The following ESR1 variants were observed in gnomAD, a reference collection of about 807,000 sequenced individuals.
ESR1 encodes the protein estrogen receptor.
Under a neutral mutation model 52.7 loss-of-function variants are expected in ESR1, and 12 were observed. The ratio of observed to expected loss-of-function variants is 0.23; its 90% CI spans 0.15 to 0.37. The LOEUF (loss-of-function observed/expected upper bound fraction) is 0.37. ESR1 is among the 10% of genes least tolerant of loss of function. ESR1 has a pLI of 1.00. For missense variants in ESR1, 584 were observed against 779.7 expected (o/e 0.75, Z 2.99); for synonymous variants, 305 against 316.8 (o/e 0.96, Z 0.39).
chr6:152,097,888 A>C (rs543309658), intron 7 of ESR1, among the ~76,000 whole-genome samples: 1 of 152,324 alleles, frequency 6.6e-6, no homozygotes, highest in South Asian at 2.1e-4. Flanking sequence ...CGGGAGAATA[A>C]ACACAAATAA....
In ESR1 at chr6:151,694,479, A is replaced by G. The variant is rs180730122; in HGVS notation, c.-202+3815A>G. Among the ~76,000 whole-genome samples, 206 of 152,306 alleles carry G rather than the reference A, an allele frequency of 1.4e-3. 1 individual carries two copies. Among genetic ancestry groups the G allele is most frequent in the African/African-American group, 4.8e-3 (200 of 41,564 alleles). On this transcript the variant is annotated intron_variant, in intron 1 of 2. Coordinates refer to the ESR1 transcript ENST00000404742. ...ATGCATGTAAAAGAGTTTTGTACAAAGTTCACTTTTATAAAATGCAAGTTG... is the reference window on the plus strand; with the variant it reads ...ATGCATGTAAAAGAGTTTTGTACAAGGTTCACTTTTATAAAATGCAAGTTG...
At chr6:151,879,321 T>G (rs1027113841) in intron 2 of ESR1, among the ~76,000 whole-genome samples, 20 of 152,122 alleles carry the variant, frequency 1.3e-4, no homozygotes, top group African/African-American at 4.8e-4. Context: ...ACGCGATTCA[T>G]TGGTAATCCT....
intron 4 of ESR1, 96 bp downstream of exon 4, chr6:151,944,604 C>T (rs1406784805): frequency 2.7e-6 from 3 of 1,103,678 alleles, no homozygotes; most frequent in African/African-American, 1.5e-5. Flanking sequence ...GAAGCAATAA[C>T]ATGTTATGTA....
At chr6:151,774,820 A>C (rs1013437322) in intron 2 of ESR1, among the ~76,000 whole-genome samples, 5 of 152,252 alleles carry the variant, frequency 3.3e-5, no homozygotes, top group Non-Finnish European at 5.9e-5. Context: ...CCATTAAATA[A>C]ATAACTGTAC....
chr6:152,042,418 G>A (rs2045884407), intron 5 of ESR1, among the ~76,000 whole-genome samples: 1 of 152,178 alleles, frequency 6.6e-6, no homozygotes, highest in Non-Finnish European at 1.5e-5. Context: ...TGGAATCAAC[G>A]TCAGCTCAGA....
At chr6:151,786,528 A>G (rs181614256) in intron 2 of ESR1, among the ~76,000 whole-genome samples, 2 of 152,322 alleles carry the variant, frequency 1.3e-5, no homozygotes, top group East Asian at 3.9e-4. Context: ...ACGCTTTTAA[A>G]TGTCAACAAC....
chr6:151,931,102 T>C (rs891439394), intron 3 of ESR1, among the ~76,000 whole-genome samples: 1 of 152,214 alleles, frequency 6.6e-6, no homozygotes, highest in Non-Finnish European at 1.5e-5. Context: ...TCATTAATTT[T>C]GAAAAGTTCT....
In ESR1 at chr6:152,094,447, G is replaced by A. The variant is rs2152496045; in HGVS notation, c.1432G>A (p.Val478Ile). The change falls in exon 7 of 8, where the codon GTC (valine) becomes ATC (isoleucine). Residue 478 changes from valine to isoleucine, a missense_variant. Transcript: ENST00000206249. This position sits in a 1 kb window ranked among gnomAD's most constrained non-coding sequence, Gnocchi z 4.6. ...GGAAGAGAAGGACCATATCCACCGAGTCCTGGACAAGATCACAGACACTTT... is the reference window on the plus strand; with the variant it reads ...GGAAGAGAAGGACCATATCCACCGAATCCTGGACAAGATCACAGACACTTT... Reference protein sequence around the residue: ...SLEEKDHIHRVLDKITDTLIH... With the variant: ...SLEEKDHIHRILDKITDTLIH... 2 of 1,614,168 alleles carry A rather than the reference G, an allele frequency of 1.2e-6. No homozygotes were observed. The highest frequency in any genetic ancestry group is 1.7e-6 in the Non-Finnish European group (2 of 1,180,024).
chr6:151,952,526 C>A (rs2036440530), intron 4 of ESR1, among the ~76,000 whole-genome samples: 1 of 152,192 alleles, frequency 6.6e-6, no homozygotes, highest in Non-Finnish European at 1.5e-5. Flanking sequence ...CGCCTGACTT[C>A]CTACCTCCTT....
chr6:151,899,557 G>A (rs1384426718), intron 3 of ESR1, among the ~76,000 whole-genome samples: 46 of 147,446 alleles, frequency 3.1e-4, no homozygotes, highest in African/African-American at 1.1e-3. Context: ...CGGACGGGGC[G>A]GCTGGCCGGG....
chr6:151,704,437 G>T (rs914098633), intron 2 of ESR1, among the ~76,000 whole-genome samples: 1 of 151,916 alleles, frequency 6.6e-6, no homozygotes, highest in African/African-American at 2.4e-5. Flanking sequence ...TAGAGACAGG[G>T]TTTCACTATG....
chr6:151,894,442 T>C (rs540775426), intron 3 of ESR1, among the ~76,000 whole-genome samples: 1 of 152,348 alleles, frequency 6.6e-6, no homozygotes, highest in East Asian at 1.9e-4. Flanking sequence ...TTTTGGGTTT[T>C]TGGTCATAAA....
intron 2 of ESR1, among the ~76,000 whole-genome samples, chr6:151,722,337 G>C (rs763620424): frequency 3.9e-5 from 6 of 152,274 alleles, no homozygotes; most frequent in Middle Eastern, 3.4e-3. Flanking sequence ...GAAGAAACAC[G>C]GTGAAAGCAA....
chr6:151,659,628 C>A (rs935777304), intron 1 of ESR1, among the ~76,000 whole-genome samples: 15 of 152,114 alleles, frequency 9.9e-5, no homozygotes, highest in African/African-American at 3.6e-4. Context: ...CTGTGGGTAC[C>A]GTCTGGGAAT....
At chr6:151,980,072 A>G (rs2039846778) in intron 4 of ESR1, among the ~76,000 whole-genome samples, 1 of 152,246 alleles carries the variant, frequency 6.6e-6, no homozygotes, top group Non-Finnish European at 1.5e-5. Context: ...AGATTTAGAC[A>G]AACAATGTAC....
At chr6:151,877,649 A>C (rs1195106406) in intron 2 of ESR1, among the ~76,000 whole-genome samples, 1 of 152,194 alleles carries the variant, frequency 6.6e-6, no homozygotes, top group Non-Finnish European at 1.5e-5. Context: ...TGCAAACATG[A>C]GACTCAGCCA....
intron 6 of ESR1, among the ~76,000 whole-genome samples, chr6:152,085,840 C>T (rs2049666842): frequency 1.3e-5 from 2 of 152,214 alleles, no homozygotes; most frequent in Non-Finnish European, 1.5e-5. Flanking sequence ...CCCATATCTC[C>T]ATGGGAAGAG....
At chr6:151,687,847 G>T, upstream of ESR1, among the ~76,000 whole-genome samples, 1 of 152,100 alleles carries the variant, frequency 6.6e-6, no homozygotes, top group Middle Eastern at 3.4e-3. Flanking sequence ...TGGATAGCAC[G>T]ATTTTGATGA....
Position 151,807,726 on chromosome 6 carries a change from G to C in ESR1, c.-187G>C, listed in dbSNP as rs554938158. On this transcript the variant is annotated 5_prime_UTR_variant, in exon 1 of 8. Coordinates refer to ENST00000206249, the MANE Select transcript of ESR1 (RefSeq NM_000125.4). Reference sequence around the variant, plus strand: ...TCCTGGGACTGCACTTGCTCCCGTCGGGTCGCCCGGCTTCACCGGACCCGC... The same window carrying C: ...TCCTGGGACTGCACTTGCTCCCGTCCGGTCGCCCGGCTTCACCGGACCCGC... 430 of 661,302 alleles carry C rather than the reference G, an allele frequency of 6.5e-4. 1 individual carries two copies. The African/African-American group carries it at 7.0e-3, about 11-fold the overall frequency. 41.0% of individuals were successfully genotyped at this position (661,302 alleles called of 1,614,324 possible).
Sources: gnomAD v4.1 joint callset for allele counts (sites outside exome capture counted in the v4.1 genomes callset) on GRCh38, gnomAD v4.1.1 for gene constraint, Gnocchi (gnomAD v3.1) non-coding constraint, MANE v1.5 for transcripts, NCBI Gene and HGNC (gene_info 2026-07-23, HGNC 2026-07-21) for gene names.